LHFPL2: variants seen among roughly 807,000 people sequenced by gnomAD.
LHFPL2 encodes the protein LHFPL tetraspan subfamily member 2, also known as LHFPL tetraspan subfamily member 2 protein.
A neutral mutation model predicts 17.5 loss-of-function variants in LHFPL2; 7 were observed. That is an observed-to-expected ratio of 0.40 (90% CI 0.23 to 0.75). The LOEUF is 0.75. Among genes scored for constraint, LHFPL2 ranks in the 30% least tolerant of loss-of-function variants. LHFPL2 has a pLI of 0.37. For missense variants in LHFPL2, 241 were observed against 294.8 expected (o/e 0.82, Z 1.34); for synonymous variants, 134 against 116.2 (o/e 1.15, Z -0.99).
chr5:78,587,389 C>T (rs566603302), intron 2 of LHFPL2, among the ~76,000 whole-genome samples: 23 of 152,226 alleles, frequency 1.5e-4, no homozygotes, highest in African/African-American at 5.5e-4. Context: ...CTGCAGGCCA[C>T]GAAGAAATGA....
intron 3 of LHFPL2, among the ~76,000 whole-genome samples, chr5:78,547,081 T>C (rs11948997): frequency 0.36 from 54,928 of 151,598 alleles, 10,920 homozygotes; most frequent in Middle Eastern, 0.48. Context: ...AGGTAGCTCC[T>C]AAAATGTCCC....
At chr5:78,638,924 C>T (rs920032757) in intron 1 of LHFPL2, among the ~76,000 whole-genome samples, 3 of 152,158 alleles carry the variant, frequency 2.0e-5, no homozygotes, top group Non-Finnish European at 4.4e-5. Flanking sequence ...ATATACACAT[C>T]CCAAACTAGA....
chr5:78,509,528 CGA>C (rs1186338015), intron 4 of LHFPL2, among the ~76,000 whole-genome samples: 1 of 152,104 alleles, frequency 6.6e-6, no homozygotes, highest in African/African-American at 2.4e-5. Context: ...GCTTAGACCC[CGA>C]GGAAATAAGC....
At chr5:78,568,749 C>A (rs1009993621) in intron 2 of LHFPL2, among the ~76,000 whole-genome samples, 12 of 152,260 alleles carry the variant, frequency 7.9e-5, no homozygotes, top group Admixed American at 6.5e-4. Flanking sequence ...AAAGTCTCAG[C>A]AACTGTCCTC....
intron 3 of LHFPL2, among the ~76,000 whole-genome samples, chr5:78,562,653 A>AAGAAAGC (rs915987890): frequency 1.4e-4 from 21 of 151,974 alleles, no homozygotes; most frequent in Non-Finnish European, 2.8e-4. Context: ...AAAAAAAAGA[A>AAGAAAGC]AGAAAGCAGG....
chr5:78,516,965 C>T (rs1755311059), intron 3 of LHFPL2, among the ~76,000 whole-genome samples: 1 of 152,174 alleles, frequency 6.6e-6, no homozygotes, highest in East Asian at 1.9e-4. Context: ...GGGGCCTGGA[C>T]ATGGGTTCAG....
In LHFPL2 at chr5:78,489,098, C is replaced by A. The variant is rs1336033469; in HGVS notation, c.486G>T (p.Lys162Asn). 9 of 1,614,082 alleles carry A rather than the reference C, an allele frequency of 5.6e-6. No individual in the cohort carries two copies. Among genetic ancestry groups the A allele is most frequent in the Non-Finnish European group, 7.6e-6 (9 of 1,180,048 alleles). ...CATAATGTCCACAGTAGTCTATGGCCTTCTGGCAACCCCAGCCAGCAGGGT... is the reference window on the plus strand; with the variant it reads ...CATAATGTCCACAGTAGTCTATGGCATTCTGGCAACCCCAGCCAGCAGGGT... ...ILYPAGWGCQ[K>N]AIDYCGHYAS... The change falls in exon 5 of 5, where the codon AAG (lysine) becomes AAT (asparagine). Residue 162 changes from lysine to asparagine, a missense_variant. Coordinates refer to ENST00000380345, the MANE Select transcript of LHFPL2 (RefSeq NM_005779.3).
intron 3 of LHFPL2, among the ~76,000 whole-genome samples, chr5:78,540,977 A>G (rs1454665019): frequency 6.6e-6 from 1 of 152,202 alleles, no homozygotes; most frequent in Non-Finnish European, 1.5e-5. Flanking sequence ...TAGCAGTGCC[A>G]AAAGGAATTA....
At chr5:78,624,642 C>G (rs73148051) in intron 2 of LHFPL2, among the ~76,000 whole-genome samples, 1,881 of 152,240 alleles carry the variant, frequency 0.012, 44 homozygotes, top group African/African-American at 0.043. Flanking sequence ...CTTGAATTAA[C>G]CTCCTATAAC....
intron 3 of LHFPL2, among the ~76,000 whole-genome samples, chr5:78,526,069 G>A (rs371680406): frequency 7.2e-5 from 11 of 151,984 alleles, no homozygotes; most frequent in African/African-American, 2.4e-5. Flanking sequence ...GCTGTTCCCC[G>A]GCCCCTCAGT....
At chr5:78,520,647 G>GCA (rs1755425197) in intron 3 of LHFPL2, among the ~76,000 whole-genome samples, 2 of 152,186 alleles carry the variant, frequency 1.3e-5, no homozygotes, top group Non-Finnish European at 2.9e-5. Context: ...CATGGCCAGG[G>GCA]CACACCCGTG....
chr5:78,494,140 G>T (rs1267719460), intron 4 of LHFPL2, among the ~76,000 whole-genome samples: 3 of 152,166 alleles, frequency 2.0e-5, no homozygotes, highest in Non-Finnish European at 4.4e-5. Flanking sequence ...TGTTGTTTTG[G>T]GGGTGTGTTT....
intron 3 of LHFPL2, among the ~76,000 whole-genome samples, chr5:78,556,841 T>C (rs1409894176): frequency 6.6e-6 from 1 of 152,186 alleles, no homozygotes; most frequent in African/African-American, 2.4e-5. Context: ...GGACAGTAGA[T>C]TACCAGTGGT....
chr5:78,627,030 G>A (rs376082274), intron 2 of LHFPL2, among the ~76,000 whole-genome samples: 49 of 152,012 alleles, frequency 3.2e-4, no homozygotes, highest in Admixed American at 1.2e-3. Context: ...GCAGTGAGCC[G>A]AGATCGCACC....
chr5:78,610,631 A>C (rs1744389800), intron 2 of LHFPL2, among the ~76,000 whole-genome samples: 1 of 152,146 alleles, frequency 6.6e-6, no homozygotes, highest in South Asian at 2.1e-4. Context: ...GAATCCAAAC[A>C]AACTCCAGGG....
At chr5:78,534,164 C>A (rs905807078) in intron 3 of LHFPL2, among the ~76,000 whole-genome samples, 13 of 152,196 alleles carry the variant, frequency 8.5e-5, no homozygotes, top group Admixed American at 7.2e-4. Context: ...CCTGGCTGTA[C>A]AGTCCCCTGG....
At chr5:78,521,745 T>C (rs1755464407) in intron 3 of LHFPL2, among the ~76,000 whole-genome samples, 1 of 152,218 alleles carries the variant, frequency 6.6e-6, no homozygotes, top group Non-Finnish European at 1.5e-5. Context: ...ACAACAAGAA[T>C]GACCCAAACA....
intron 3 of LHFPL2, among the ~76,000 whole-genome samples, chr5:78,544,752 T>TACACAC (rs34278546): frequency 0.022 from 3,244 of 149,080 alleles, 97 homozygotes; most frequent in African/African-American, 0.068. Context: ...GCCATCTTCT[T>TACACAC]ACACACACAC....
intron 3 of LHFPL2, among the ~76,000 whole-genome samples, chr5:78,515,290 C>G (rs530809642): frequency 2.6e-5 from 4 of 151,744 alleles, no homozygotes; most frequent in Admixed American, 1.3e-4. Flanking sequence ...TTATTTTCCC[C>G]GACATTGACT....
Sources: gnomAD v4.1 joint callset for allele counts (sites outside exome capture counted in the v4.1 genomes callset) on GRCh38, gnomAD v4.1.1 for gene constraint, MANE v1.5 for transcripts, NCBI Gene and HGNC (gene_info 2026-07-23, HGNC 2026-07-21) for gene names.